The following CNOT2 variants were observed in gnomAD, a reference collection of about 807,000 sequenced individuals.
CNOT2 encodes the protein CCR4-NOT transcription complex subunit 2.
A neutral mutation model predicts 72.1 loss-of-function variants in CNOT2; 7 were observed. The ratio of observed to expected loss-of-function variants is 0.10; its 90% CI spans 0.06 to 0.18. CNOT2 has a LOEUF of 0.18. Ranked by LOEUF, CNOT2 falls within the 10% of genes least tolerant of loss-of-function variation. The pLI, the probability that CNOT2 is intolerant of heterozygous loss-of-function variation, is 1.00. For synonymous variants in CNOT2, 196 were observed against 225.6 expected, an observed-to-expected ratio of 0.87 and a Z score of 1.17; for missense variants, 345 against 660.3, an observed-to-expected ratio of 0.52 and a Z score of 5.23.
At chr12:70,284,834 C>A (rs191595095) in intron 2 of CNOT2, among the ~76,000 whole-genome samples, 2 of 152,238 alleles carry the variant, frequency 1.3e-5, no homozygotes, top group Admixed American at 1.3e-4. Context: ...TTATAGCACC[C>A]TTAGTGAATT....
chr12:70,347,587 C>T (rs1439900229), intron 15 of CNOT2: 3 of 151,544 alleles, frequency 2.0e-5, no homozygotes, highest in Non-Finnish European at 2.9e-5. Context: ...GAGCCGAGAT[C>T]GCGCCACTGC....
chr12:70,322,188 A>G (rs1483416593), intron 4 of CNOT2: 1 of 151,826 alleles, frequency 6.6e-6, no homozygotes, highest in Non-Finnish European at 1.5e-5. Flanking sequence ...TGTTCTCATC[A>G]ACATTACAAT....
At chr12:70,297,657 C>T (rs556575475) in intron 2 of CNOT2, 13 of 238,396 alleles carry the variant, frequency 5.5e-5, no homozygotes, top group African/African-American at 2.8e-4. Flanking sequence ...AATGTTAGTT[C>T]TTTGGGAACA....
intron 1 of CNOT2, among the ~76,000 whole-genome samples, chr12:70,276,873 G>A (rs1239359188): frequency 6.6e-6 from 1 of 151,922 alleles, no homozygotes; most frequent in African/African-American, 2.4e-5. Flanking sequence ...CACTACCTTT[G>A]TGATGAAACA....
intron 2 of CNOT2, among the ~76,000 whole-genome samples, chr12:70,299,066 G>C (rs1873346684): frequency 6.6e-6 from 1 of 152,130 alleles, no homozygotes; most frequent in Non-Finnish European, 1.5e-5. Context: ...ATAAGGGAAA[G>C]AGGTTTAATT....
chr12:70,284,923 A>C (rs1470691529), intron 2 of CNOT2, among the ~76,000 whole-genome samples: 1 of 152,222 alleles, frequency 6.6e-6, no homozygotes, highest in Non-Finnish European at 1.5e-5. Flanking sequence ...TTATATTCAT[A>C]TGATTATCTG....
chr12:70,305,481 C>T (rs564583567), intron 2 of CNOT2, among the ~76,000 whole-genome samples: 2 of 151,984 alleles, frequency 1.3e-5, no homozygotes, highest in Non-Finnish European at 1.5e-5. Flanking sequence ...AGGAAATGAC[C>T]GTAGAGATGA....
chr12:70,333,659 A>G (rs1880270629), intron 7 of CNOT2, among the ~76,000 whole-genome samples: 1 of 151,916 alleles, frequency 6.6e-6, no homozygotes, highest in South Asian at 2.1e-4. Flanking sequence ...TAATAAGGAA[A>G]TGTCATTTGT....
intron 2 of CNOT2, chr12:70,285,331 T>C (rs144978584): frequency 0.095 from 14,471 of 151,802 alleles, 897 homozygotes; most frequent in Middle Eastern, 0.19. Context: ...TGCCTCAGCC[T>C]CCTGAGTAGC....
At chr12:70,304,229 G>C (rs1186900658) in intron 2 of CNOT2, among the ~76,000 whole-genome samples, 1 of 152,150 alleles carries the variant, frequency 6.6e-6, no homozygotes, top group Non-Finnish European at 1.5e-5. Flanking sequence ...GTCCAGCTTT[G>C]TTCCGTTGCT....
chr12:70,279,985 C>T (rs1349712038), intron 2 of CNOT2, among the ~76,000 whole-genome samples: 2 of 152,032 alleles, frequency 1.3e-5, no homozygotes, highest in South Asian at 2.1e-4. Flanking sequence ...CCTTTTCTCT[C>T]TTCGTTTATT....
chr12:70,293,089 T>A (rs2135874960), intron 2 of CNOT2, among the ~76,000 whole-genome samples: 1 of 152,292 alleles, frequency 6.6e-6, no homozygotes, highest in African/African-American at 2.4e-5. Flanking sequence ...GAGTTTATTT[T>A]TCTTTGAAAA....
intron 2 of CNOT2, among the ~76,000 whole-genome samples, chr12:70,306,322 A>C (rs1875380452): frequency 2.0e-5 from 3 of 151,778 alleles, no homozygotes; most frequent in Admixed American, 6.6e-5. Flanking sequence ...TGCCTGGCTA[A>C]TTTTTTGTAT....
At chr12:70,342,434 C>A in intron 13 of CNOT2, 127 bp downstream of exon 13, 1 of 1,075,634 alleles carries the variant, frequency 9.3e-7, no homozygotes, top group Non-Finnish European at 1.3e-6. Context: ...TTTCATATGT[C>A]CATGTTAACT....
intron 1 of CNOT2, among the ~76,000 whole-genome samples, chr12:70,272,448 G>A (rs1868259469): frequency 6.6e-6 from 1 of 152,158 alleles, no homozygotes; most frequent in African/African-American, 2.4e-5. Context: ...GCCCTAAATT[G>A]AGAACTGACT....
chr12:70,262,737 G>T (rs1259101884), intron 1 of CNOT2, among the ~76,000 whole-genome samples: 1 of 148,970 alleles, frequency 6.7e-6, no homozygotes, highest in Non-Finnish European at 1.5e-5. Flanking sequence ...GCAGTGGTGT[G>T]ATCTCGGCTC....
At chr12:70,320,949 C>T (rs1203671894) in intron 4 of CNOT2, among the ~76,000 whole-genome samples, 1 of 151,714 alleles carries the variant, frequency 6.6e-6, no homozygotes, top group Non-Finnish European at 1.5e-5. Flanking sequence ...GTTTAAAATG[C>T]AGTTATATCA....
At chr12:70,304,530 C>T (rs554130590) in intron 2 of CNOT2, among the ~76,000 whole-genome samples, 6 of 152,212 alleles carry the variant, frequency 3.9e-5, no homozygotes, top group Non-Finnish European at 7.3e-5. Context: ...ATTGGTGAAC[C>T]ACAAATGCTG....
Position 70,329,431 on chromosome 12 carries a change from G to A in CNOT2, c.247G>A (p.Gly83Ser). 1 of 1,611,006 alleles carries A rather than the reference G, an allele frequency of 6.2e-7. No homozygotes were observed. ...ASLYGQQSALGLPMRGMSNNT... is the reference protein window; with the variant it reads ...ASLYGQQSALSLPMRGMSNNT... ...CTGAATTTTTTTATTAGGTGCACTA[G>A]GCCTTCCAATGAGGGGGATGAGCAA... is the stretch of plus-strand genomic sequence containing the variant. Residue 83 changes from glycine to serine, a missense_variant, in exon 5 of 16, where the codon GGC becomes AGC. This residue lies in a region of CNOT2 where 157 missense variants were observed against 235.3 expected (regional missense o/e 0.67). Transcript: ENST00000229195.
Sources: allele counts gnomAD v4.1 joint callset (sites outside exome capture counted in the v4.1 genomes callset), GRCh38; gene constraint gnomAD v4.1.1; regional missense constraint gnomAD v4.1.1; transcripts MANE v1.5; gene names NCBI Gene and HGNC (gene_info 2026-07-23, HGNC 2026-07-21).